MARCHF3: variants seen among roughly 807,000 people sequenced by gnomAD.
MARCHF3 encodes E3 ubiquitin-protein ligase MARCHF3.
A neutral mutation model predicts 24.2 loss-of-function variants in MARCHF3; 13 were observed. That is an observed-to-expected ratio of 0.54 (90% CI 0.35 to 0.85). The LOEUF (loss-of-function observed/expected upper bound fraction) is 0.85. Ranked by LOEUF, MARCHF3 falls within the 40% of genes least tolerant of loss-of-function variation. MARCHF3 has a pLI of 0.01. For missense variants in MARCHF3, 276 were observed against 325.0 expected (o/e 0.85, Z 1.16); for synonymous variants, 144 against 137.3 (o/e 1.05, Z -0.34).
intron 1 of MARCHF3, among the ~76,000 whole-genome samples, chr5:127,027,397 G>C (rs1342381883): frequency 6.6e-6 from 1 of 152,152 alleles, no homozygotes; most frequent in Non-Finnish European, 1.5e-5. Flanking sequence ...GCTGGGCTTT[G>C]TTCTAGAACA....
At chr5:126,893,683 A>G (rs1428436487) in intron 3 of MARCHF3, among the ~76,000 whole-genome samples, 1 of 137,702 alleles carries the variant, frequency 7.3e-6, no homozygotes, top group Non-Finnish European at 1.6e-5. Context: ...GTTCTTTTAC[A>G]TTTGCTGAGG....
At chr5:126,942,037 T>C (rs1024422718) in intron 1 of MARCHF3, among the ~76,000 whole-genome samples, 2 of 152,184 alleles carry the variant, frequency 1.3e-5, no homozygotes, top group African/African-American at 4.8e-5. Flanking sequence ...ATCACAGCTA[T>C]CTTAAGAGAC....
chr5:126,942,471 C>A (rs564408219), intron 1 of MARCHF3, among the ~76,000 whole-genome samples: 4 of 152,198 alleles, frequency 2.6e-5, no homozygotes, highest in Non-Finnish European at 4.4e-5. Flanking sequence ...AAAAACCACT[C>A]TTCTAGTTTG....
intron 1 of MARCHF3, among the ~76,000 whole-genome samples, chr5:126,967,432 C>T (rs139274339): frequency 1.2e-3 from 181 of 152,282 alleles, no homozygotes; most frequent in African/African-American, 4.2e-3. Flanking sequence ...GTGGCTCAAG[C>T]CTGTAATCCC....
intron 3 of MARCHF3, among the ~76,000 whole-genome samples, chr5:126,913,992 T>A (rs1754629031): frequency 6.9e-6 from 1 of 145,630 alleles, no homozygotes; most frequent in African/African-American, 2.6e-5. Context: ...TTTTTTTTTT[T>A]TTTTTTTTTG....
chr5:126,985,255 C>T (rs924780771), intron 1 of MARCHF3, among the ~76,000 whole-genome samples: 4 of 151,990 alleles, frequency 2.6e-5, no homozygotes, highest in African/African-American at 7.3e-5. Context: ...TGAAATGCTG[C>T]TCTTTTTCTT....
rs192861996 is a variant in MARCHF3, at chr5:126,915,403, A to G, written c.189-269T>C. 1.3e-3 allele frequency among the ~76,000 whole-genome samples: 193 copies of G among 152,382 alleles called. 1 individual carries two copies. The highest frequency in any genetic ancestry group is 4.5e-3 in the African/African-American group (186 of 41,588). ...GGATCAAAAGTGAGTGAAAACAAGCAGTGGATATTTTTGCCTTGAATATAA... is the reference window on the plus strand; with the variant it reads ...GGATCAAAAGTGAGTGAAAACAAGCGGTGGATATTTTTGCCTTGAATATAA... On this transcript the variant is annotated intron_variant, in intron 2 of 4. Coordinates refer to ENST00000308660, the MANE Select transcript of MARCHF3 (RefSeq NM_178450.5).
chr5:126,969,791 T>TG (rs1750937846), intron 1 of MARCHF3, among the ~76,000 whole-genome samples: 1 of 152,186 alleles, frequency 6.6e-6, no homozygotes, highest in African/African-American at 2.4e-5. Flanking sequence ...TACAGGAGGC[T>TG]GGGGTGGGGC....
chr5:126,947,556 T>C (rs1201716831), intron 1 of MARCHF3, among the ~76,000 whole-genome samples: 1 of 152,142 alleles, frequency 6.6e-6, no homozygotes, highest in Non-Finnish European at 1.5e-5. Flanking sequence ...TATGTGAACT[T>C]AGAGGTTCAT....
At chr5:126,914,084 T>C (rs1754633854) in intron 3 of MARCHF3, among the ~76,000 whole-genome samples, 1 of 151,298 alleles carries the variant, frequency 6.6e-6, no homozygotes, top group Non-Finnish European at 1.5e-5. Flanking sequence ...TCCAGGTTCT[T>C]GCCATTCTCC....
chr5:126,992,497 A>C lies in MARCHF3; in HGVS notation c.-57+37853T>G, dbSNP rs1360332589. Reference sequence around the variant, plus strand: ...TTCTCATCTCCTTTCTATTTTGTTAAAGTGAGTAAAATACAAAAACTCCGT... The same window carrying C: ...TTCTCATCTCCTTTCTATTTTGTTACAGTGAGTAAAATACAAAAACTCCGT... On this transcript the variant is annotated intron_variant, in intron 1 of 4. Transcript: ENST00000308660. Among the ~76,000 whole-genome samples, 5 of 152,196 alleles carry C rather than the reference A, an allele frequency of 3.3e-5. No individual in the cohort carries two copies. In the East Asian group the frequency reaches 7.7e-4, roughly 23 times the overall value.
chr5:126,919,602 A>G (rs1257132358), intron 1 of MARCHF3, among the ~76,000 whole-genome samples: 5 of 152,216 alleles, frequency 3.3e-5, no homozygotes, highest in Admixed American at 3.3e-4. Flanking sequence ...GATCTTCCCA[A>G]CTTCCAGAAC....
intron 1 of MARCHF3, among the ~76,000 whole-genome samples, chr5:126,951,250 A>G (rs1011455942): frequency 1.5e-4 from 23 of 152,074 alleles, no homozygotes; most frequent in African/African-American, 5.6e-4. Flanking sequence ...GCTCTTTACT[A>G]GTTCCTCCCA....
chr5:127,023,391 A>G (rs1417334674), intron 1 of MARCHF3, among the ~76,000 whole-genome samples: 1 of 152,180 alleles, frequency 6.6e-6, no homozygotes, highest in African/African-American at 2.4e-5. Flanking sequence ...TGTATTATAA[A>G]AATTAGTTTA....
chr5:126,995,973 G>A (rs1751936641), intron 1 of MARCHF3, among the ~76,000 whole-genome samples: 3 of 152,210 alleles, frequency 2.0e-5, no homozygotes, highest in Non-Finnish European at 2.9e-5. Context: ...ATTTAAGCTG[G>A]GTCCTTGAAA....
At chr5:126,921,425 G>A (rs774638568) in intron 1 of MARCHF3, among the ~76,000 whole-genome samples, 10 of 152,098 alleles carry the variant, frequency 6.6e-5, no homozygotes, top group African/African-American at 1.7e-4. Context: ...AGGCAGGAGC[G>A]GACCTCACAA....
At chr5:126,883,960 A>AT (rs1210849865) in intron 3 of MARCHF3, among the ~76,000 whole-genome samples, 7 of 152,258 alleles carry the variant, frequency 4.6e-5, no homozygotes, top group Admixed American at 3.3e-4. Flanking sequence ...AAGGAAAAAA[A>AT]GAGAAGGCAT....
chr5:126,910,052 G>C (rs1461082535), intron 3 of MARCHF3, among the ~76,000 whole-genome samples: 1 of 152,170 alleles, frequency 6.6e-6, no homozygotes, highest in Non-Finnish European at 1.5e-5. Flanking sequence ...GTTGTGTGTA[G>C]AGGAAATAGG....
At chr5:126,872,488 C>T (rs1753007107) in intron 4 of MARCHF3, among the ~76,000 whole-genome samples, 1 of 152,078 alleles carries the variant, frequency 6.6e-6, no homozygotes, top group Non-Finnish European at 1.5e-5. Context: ...TAGGTAAGTG[C>T]TGGAAAGGAA....
Sources: allele counts gnomAD v4.1 joint callset (sites outside exome capture counted in the v4.1 genomes callset), GRCh38; gene constraint gnomAD v4.1.1; transcripts MANE v1.5; gene names NCBI Gene and HGNC (gene_info 2026-07-23, HGNC 2026-07-21).